Variants in KSR2 observed in about 807,000 individuals in gnomAD.
KSR2 encodes the protein kinase suppressor of ras 2.
In KSR2, 25 loss-of-function variants were observed where a neutral mutation model predicts 107.8. That is an observed-to-expected ratio of 0.23 (90% confidence interval 0.17 to 0.32). The LOEUF is 0.32. Ranked by LOEUF, KSR2 falls within the 10% of genes least tolerant of loss-of-function variation. KSR2 has a pLI of 1.00. For missense variants in KSR2, 887 were observed against 1,268.9 expected (o/e 0.70, Z 4.57); for synonymous variants, 480 against 507.0 (o/e 0.95, Z 0.71).
At chr12:117,734,852 G>A (rs959473150) in intron 4 of KSR2, among the ~76,000 whole-genome samples, 1 of 152,176 alleles carries the variant, frequency 6.6e-6, no homozygotes, top group African/African-American at 2.4e-5. Flanking sequence ...TCACTCTGGG[G>A]TGAACCCAGG....
chr12:117,735,586 T>A (rs1220553863), intron 4 of KSR2, among the ~76,000 whole-genome samples: 2 of 152,278 alleles, frequency 1.3e-5, no homozygotes, highest in East Asian at 3.9e-4. Context: ...TAATAATAAC[T>A]GTAATCATGC....
chr12:117,886,288 G>C (rs1368395288), intron 1 of KSR2, among the ~76,000 whole-genome samples: 3 of 150,578 alleles, frequency 2.0e-5, no homozygotes, highest in Admixed American at 6.7e-5. Context: ...TAATTATACA[G>C]GTATATACCT....
At chr12:117,664,422 C>T (rs1258207000) in intron 5 of KSR2, among the ~76,000 whole-genome samples, 1 of 152,158 alleles carries the variant, frequency 6.6e-6, no homozygotes, top group Admixed American at 6.5e-5. Context: ...GCCCCAGGGG[C>T]CCCCTTGGCT....
chr12:117,844,690 T>C (rs1430002141), intron 3 of KSR2, among the ~76,000 whole-genome samples: 1 of 152,038 alleles, frequency 6.6e-6, no homozygotes, highest in Non-Finnish European at 1.5e-5. Flanking sequence ...CCCAAGGACT[T>C]TCCAGACTTC....
intron 4 of KSR2, among the ~76,000 whole-genome samples, chr12:117,697,069 C>A (rs529935727): frequency 1.1e-4 from 17 of 152,286 alleles, no homozygotes; most frequent in African/African-American, 3.6e-4. Context: ...TTTGCGGACG[C>A]TAGTTTGGGA....
At chr12:117,898,986 T>C (rs1354435666) in intron 1 of KSR2, among the ~76,000 whole-genome samples, 1 of 152,206 alleles carries the variant, frequency 6.6e-6, no homozygotes, top group African/African-American at 2.4e-5. Context: ...TTCTTCTTTC[T>C]CTTTAGACTG....
chr12:117,798,018 T>G (rs888107531), intron 3 of KSR2, among the ~76,000 whole-genome samples: 1 of 152,128 alleles, frequency 6.6e-6, no homozygotes, highest in African/African-American at 2.4e-5. Flanking sequence ...CCGGAAAGTG[T>G]GAAGTGCTGT....
chr12:117,960,115 T>A (rs569459513), intron 1 of KSR2, among the ~76,000 whole-genome samples: 5 of 151,988 alleles, frequency 3.3e-5, no homozygotes, highest in Non-Finnish European at 7.4e-5. Flanking sequence ...GAAGTTTGCA[T>A]CTGCTGTTCC....
chr12:117,746,308 C>T (rs1047384083), intron 4 of KSR2, among the ~76,000 whole-genome samples: 1 of 151,972 alleles, frequency 6.6e-6, no homozygotes, highest in East Asian at 1.9e-4. Flanking sequence ...CTTCGACAAA[C>T]CTGACAAAAA....
intron 4 of KSR2, among the ~76,000 whole-genome samples, chr12:117,686,886 C>T (rs189407416): frequency 2.6e-5 from 4 of 152,262 alleles, no homozygotes; most frequent in East Asian, 1.9e-4. Context: ...CTGAAATCCA[C>T]GCATCAGAGC....
rs1334091376 is a variant in KSR2, at chr12:117,525,156, G to A, written c.1915C>T (p.Leu639Phe). 6.2e-7 allele frequency: 1 copy of A among 1,613,928 alleles called. No homozygotes were observed. Among genetic ancestry groups the A allele is most frequent in the Non-Finnish European group, 8.5e-7 (1 of 1,179,822 alleles). ...CGTGGGAAGCTCCGGGCCGAGAGGA[G>A]GGACAGGTTCATCTCCTCGAAGTCA... ...EDDFEEMNLSLLSARSFPRKA... is the reference protein window; with the variant it reads ...EDDFEEMNLSFLSARSFPRKA... The change falls in exon 14 of 20, where the codon CTC (leucine) becomes TTC (phenylalanine). Residue 639 changes from leucine (L) to phenylalanine (F), a missense_variant. Physicochemically the swap from Leu to Phe is conservative, Grantham distance 22 (BLOSUM62 0). Coordinates refer to ENST00000339824, the MANE Select transcript of KSR2 (RefSeq NM_173598.6).
chr12:117,680,231 A>C (rs1430641115), intron 4 of KSR2, among the ~76,000 whole-genome samples: 1 of 152,178 alleles, frequency 6.6e-6, no homozygotes, highest in Non-Finnish European at 1.5e-5. Flanking sequence ...ATGGGGAGGG[A>C]AGTAAACAGG....
intron 14 of KSR2, among the ~76,000 whole-genome samples, chr12:117,504,484 A>G (rs1267612578): frequency 6.6e-6 from 1 of 152,200 alleles, no homozygotes; most frequent in African/African-American, 2.4e-5. Flanking sequence ...TTATTTCCCA[A>G]TGTTCACCAA....
chr12:117,587,583 C>T (rs1286395804), intron 5 of KSR2, among the ~76,000 whole-genome samples: 1 of 152,178 alleles, frequency 6.6e-6, no homozygotes, highest in African/African-American at 2.4e-5. Flanking sequence ...TTTTCAGCCG[C>T]TGAGTTGGTG....
At chr12:117,921,104 ACTT>A (rs1313430907) in intron 1 of KSR2, among the ~76,000 whole-genome samples, 5 of 152,278 alleles carry the variant, frequency 3.3e-5, no homozygotes, top group African/African-American at 7.2e-5. Flanking sequence ...TGTGACTTTA[ACTT>A]CTTATTTAAT....
chr12:117,908,353 G>A (rs1894916601), intron 1 of KSR2, among the ~76,000 whole-genome samples: 1 of 151,808 alleles, frequency 6.6e-6, no homozygotes. Flanking sequence ...TGAGAAGGCT[G>A]CTTTGTGAGA....
chr12:117,800,200 G>A (rs1294856422), intron 3 of KSR2, among the ~76,000 whole-genome samples: 8 of 152,160 alleles, frequency 5.3e-5, no homozygotes, highest in East Asian at 3.9e-4. Context: ...GGCAGAAGCC[G>A]GAGGGGTCTG....
chr12:117,860,508 G>C (rs77144050), intron 1 of KSR2, 77 bp from the exon 2 acceptor site: 7 of 1,410,914 alleles, frequency 5.0e-6, no homozygotes, highest in Non-Finnish European at 5.7e-6. Flanking sequence ...AACCCCCTAC[G>C]AACCCCCACC....
chr12:117,635,041 C>T (rs921437418), intron 5 of KSR2, among the ~76,000 whole-genome samples: 2 of 152,168 alleles, frequency 1.3e-5, no homozygotes, highest in African/African-American at 2.4e-5. Flanking sequence ...GCCAATCAGA[C>T]ATCCACACAC....
Sources: allele counts gnomAD v4.1 joint callset (sites outside exome capture counted in the v4.1 genomes callset), GRCh38; gene constraint gnomAD v4.1.1; transcripts MANE v1.5; gene names NCBI Gene and HGNC (gene_info 2026-07-23, HGNC 2026-07-21).